UMAD1: variants seen among roughly 807,000 people sequenced by gnomAD.
UMAD1 encodes UBAP1-MVB12-associated (UMA) domain containing 1, also known as UBAP1-MVB12-associated (UMA)-domain containing protein 1.
UMAD1 carries 8 observed loss-of-function variants against 6.1 expected under a neutral mutation model. The observed-to-expected ratio is 1.30, with a 90% CI of 0.76 to 2.35. The LOEUF is 2.35. Among genes scored for constraint, UMAD1 ranks in the 30% most tolerant of loss-of-function variants. The pLI is 0.00. For missense variants in UMAD1, 130 were observed against 78.4 expected, an observed-to-expected ratio of 1.66 and a Z score of -2.49; for synonymous variants, 56 against 31.4, an observed-to-expected ratio of 1.78 and a Z score of -2.61.
intron 3 of UMAD1, among the ~76,000 whole-genome samples, chr7:7,827,652 T>C (rs1783374330): frequency 1.3e-5 from 2 of 152,246 alleles, no homozygotes; most frequent in South Asian, 4.1e-4. Context: ...CTAGAAGTAA[T>C]AGTAAGATAT....
intron 2 of UMAD1, among the ~76,000 whole-genome samples, chr7:7,716,470 C>G (rs574987274): frequency 7.9e-5 from 12 of 152,304 alleles, no homozygotes; most frequent in East Asian, 7.7e-4. Flanking sequence ...GATAAGCAAG[C>G]TGGAAGCTTG....
intron 1 of UMAD1, among the ~76,000 whole-genome samples, chr7:7,661,360 AGTTATGATCCTTTGGAG>A (rs1327656427): frequency 6.6e-6 from 1 of 151,964 alleles, no homozygotes; most frequent in East Asian, 1.9e-4. Flanking sequence ...GCTGCTGAGG[AGTTATGATCCTTTGGAG>A]GAGAAGGGGC....
intron 2 of UMAD1, among the ~76,000 whole-genome samples, chr7:7,800,831 C>A (rs999562430): frequency 6.6e-6 from 1 of 152,210 alleles, no homozygotes; most frequent in African/African-American, 2.4e-5. Flanking sequence ...GCTAAGCCAT[C>A]ATCCATTTCT....
chr7:7,675,830 C>G (rs754236699), intron 2 of UMAD1, among the ~76,000 whole-genome samples: 10 of 152,110 alleles, frequency 6.6e-5, no homozygotes, highest in Admixed American at 6.6e-4. Flanking sequence ...TTCAAATGAC[C>G]CAAACAAATC....
chr7:7,718,746 C>A (rs1780982451), intron 2 of UMAD1: 1 of 152,138 alleles, frequency 6.6e-6, no homozygotes. Flanking sequence ...TTAAAAAGAC[C>A]TGCATGAGAT....
chr7:7,738,464 C>G (rs965276755), intron 2 of UMAD1: 7 of 152,202 alleles, frequency 4.6e-5, no homozygotes, highest in African/African-American at 1.7e-4. Flanking sequence ...AGTTGTTGGA[C>G]TAAGTTGTTG....
chr7:7,740,439 A>C (rs1336880610), intron 2 of UMAD1, among the ~76,000 whole-genome samples: 2 of 152,246 alleles, frequency 1.3e-5, no homozygotes, highest in Admixed American at 1.3e-4. Context: ...TTATAATTTT[A>C]GCTTTATGCT....
chr7:7,665,585 G>C (rs2115097044), intron 1 of UMAD1, among the ~76,000 whole-genome samples: 1 of 152,136 alleles, frequency 6.6e-6, no homozygotes, highest in East Asian at 1.9e-4. Flanking sequence ...GTTTTGATGT[G>C]TGCTTATACT....
intron 3 of UMAD1, among the ~76,000 whole-genome samples, chr7:7,851,609 A>G (rs1326665598): frequency 6.6e-6 from 1 of 152,064 alleles, no homozygotes; most frequent in East Asian, 1.9e-4. Context: ...CTGGGTGAGA[A>G]CTGGTATTTC....
At chr7:7,871,314 A>G (rs983208125) in intron 3 of UMAD1, among the ~76,000 whole-genome samples, 16 of 152,214 alleles carry the variant, frequency 1.1e-4, no homozygotes, top group Non-Finnish European at 2.2e-4. Context: ...AAATTGTTGA[A>G]GCACTGTTCA....
intron 3 of UMAD1, among the ~76,000 whole-genome samples, chr7:7,837,453 A>T (rs915511709): frequency 6.6e-6 from 1 of 152,158 alleles, no homozygotes; most frequent in East Asian, 1.9e-4. Flanking sequence ...CTTATAGCCA[A>T]CAACTCCGTA....
At chr7:7,832,933 G>C (rs928376821) in intron 3 of UMAD1, among the ~76,000 whole-genome samples, 1 of 152,144 alleles carries the variant, frequency 6.6e-6, no homozygotes, top group Admixed American at 6.6e-5. Context: ...TAGACAGGGG[G>C]GAACGTTTGA....
chr7:7,856,958 T>G (rs1784030579), intron 3 of UMAD1, among the ~76,000 whole-genome samples: 2 of 152,362 alleles, frequency 1.3e-5, no homozygotes, highest in Admixed American at 1.3e-4. Context: ...TTAAAAAATT[T>G]TTCAACTTGT....
intron 2 of UMAD1, among the ~76,000 whole-genome samples, chr7:7,681,738 C>G (rs996844906): frequency 6.6e-6 from 1 of 152,066 alleles, no homozygotes; most frequent in Admixed American, 6.5e-5. Flanking sequence ...TGGCACTATT[C>G]GTAATTACCA....
intron 2 of UMAD1, among the ~76,000 whole-genome samples, chr7:7,696,218 G>C (rs1400452936): frequency 6.6e-6 from 1 of 150,918 alleles, no homozygotes; most frequent in African/African-American, 2.4e-5. Flanking sequence ...TGTTGCCCAG[G>C]CTACCAGTGT....
At chr7:7,714,327 G>C (rs1780838963) in intron 2 of UMAD1, among the ~76,000 whole-genome samples, 1 of 152,218 alleles carries the variant, frequency 6.6e-6, no homozygotes, top group African/African-American at 2.4e-5. Context: ...TTCTTTGGCT[G>C]CTCCAGCAGA....
chr7:7,701,916 GC>G (rs1780473303), intron 2 of UMAD1, among the ~76,000 whole-genome samples: 1 of 152,198 alleles, frequency 6.6e-6, no homozygotes, highest in African/African-American at 2.4e-5. Context: ...CCATCTCTCT[GC>G]CATCAGCTAT....
At chr7:7,742,601 A>C in intron 2 of UMAD1, 1 of 488,854 alleles carries the variant, frequency 2.0e-6, no homozygotes, top group Non-Finnish European at 4.0e-6. Flanking sequence ...GAAGGATTAA[A>C]GGATGAATGC....
chr7:7,842,453 GT>G (rs1337679057), intron 3 of UMAD1, among the ~76,000 whole-genome samples: 3 of 151,824 alleles, frequency 2.0e-5, no homozygotes, highest in Non-Finnish European at 2.9e-5. Context: ...ATGACACAAG[GT>G]CTTAAGATGT....
Sources: allele counts gnomAD v4.1 joint callset (sites outside exome capture counted in the v4.1 genomes callset), GRCh38; gene constraint gnomAD v4.1.1; transcripts MANE v1.5; gene names NCBI Gene and HGNC (gene_info 2026-07-23, HGNC 2026-07-21).